The following FKBP9 variants were observed in gnomAD, a reference collection of about 807,000 sequenced individuals.
FKBP9 encodes peptidyl-prolyl cis-trans isomerase FKBP9.
A neutral mutation model predicts 55.6 loss-of-function variants in FKBP9; 27 were observed. That is an observed-to-expected ratio of 0.49 (90% CI 0.36 to 0.67). FKBP9 has a LOEUF of 0.67. Among genes scored for constraint, FKBP9 ranks in the 30% least tolerant of loss-of-function variants. The probability of loss-of-function intolerance (pLI) is 0.00; values close to 1 mark genes in which losing one functional copy is unlikely to be tolerated. For missense variants in FKBP9, 539 were observed against 742.8 expected, an observed-to-expected ratio of 0.73 and a Z score of 3.19; for synonymous variants, 267 against 296.5, an observed-to-expected ratio of 0.90 and a Z score of 1.02.
chr7:32,958,749 G>T (rs1339090437), intron 1 of FKBP9, among the ~76,000 whole-genome samples: 34 of 152,198 alleles, frequency 2.2e-4, no homozygotes, highest in Admixed American at 2.2e-3. Flanking sequence ...ATCAAGCCCA[G>T]AACTCCTTCT....
chr7:32,974,794 C>G, intron 2 of FKBP9, 32 bp downstream of exon 2: 1 of 1,580,228 alleles, frequency 6.3e-7, no homozygotes, highest in African/African-American at 1.3e-5. Context: ...ATAAACACGT[C>G]AGCAGAAACA....
chr7:32,980,239 G>A, intron 4 of FKBP9, 125 bp from the exon 5 acceptor site: 2 of 801,590 alleles, frequency 2.5e-6, no homozygotes, highest in Non-Finnish European at 1.9e-6. Flanking sequence ...AGACCTGGAA[G>A]AACATTTGTT....
intron 8 of FKBP9, 59 bp downstream of exon 8, chr7:33,000,319 C>G (rs964956642): frequency 1.0e-5 from 15 of 1,447,126 alleles, no homozygotes; most frequent in Non-Finnish European, 1.3e-5. Context: ...GAATTTTGTG[C>G]TTTTTGGGGT....
chr7:32,985,428 C>T (rs986377487), intron 5 of FKBP9, among the ~76,000 whole-genome samples: 1 of 151,556 alleles, frequency 6.6e-6, no homozygotes, highest in African/African-American at 2.4e-5. Context: ...TGATCACCCA[C>T]CTCGGCCTCC....
chr7:32,981,890 C>T (rs1383744061), intron 5 of FKBP9, among the ~76,000 whole-genome samples: 1 of 140,558 alleles, frequency 7.1e-6, no homozygotes, highest in Non-Finnish European at 1.5e-5. Context: ...GAGCGAGACT[C>T]TGTCTCAAAA....
intron 2 of FKBP9, 152 bp from the exon 3 acceptor site, chr7:32,975,030 A>T: frequency 1.5e-6 from 1 of 679,272 alleles, no homozygotes; most frequent in South Asian, 1.9e-5. Context: ...TTTGGAGGAA[A>T]GAGGGAGGAA....
intron 8 of FKBP9, among the ~76,000 whole-genome samples, chr7:33,002,247 C>A (rs1784948375): frequency 6.6e-6 from 1 of 152,056 alleles, no homozygotes; most frequent in Non-Finnish European, 1.5e-5. Flanking sequence ...AATTCTCATG[C>A]CTCAGCTTCC....
chr7:32,974,571 A>C (rs1393575334), intron 1 of FKBP9, 46 bp from the exon 2 acceptor site: 1 of 1,552,660 alleles, frequency 6.4e-7, no homozygotes, highest in East Asian at 2.3e-5. Context: ...TGAGGAAGGG[A>C]CTATTTATAC....
rs1784628775 is a variant in FKBP9 at position 32,988,884 on chromosome 7, A to G, written c.1039+232A>G. ...GCTGGCACTACAGGCACGCACCACCACACCCTGCACAGAACTTCTTGAGAG... is the reference window on the plus strand; with the variant it reads ...GCTGGCACTACAGGCACGCACCACCGCACCCTGCACAGAACTTCTTGAGAG... On this transcript the variant is annotated intron_variant, in intron 6 of 9. Coordinates refer to ENST00000242209, the MANE Select transcript of FKBP9 (RefSeq NM_007270.5). The G allele has an allele frequency of 1.5e-4, 58 of 392,474 alleles. No homozygotes were observed. In the South Asian group the frequency reaches 2.9e-3, roughly 20 times the overall value. The allele number at this position is 392,474 out of a possible 1,614,324, so 24.3% of individuals were successfully genotyped here. A position where few individuals can be genotyped will look rare whatever the true frequency, so the allele number is the denominator to read the frequency against.
At chr7:32,992,291 C>G (rs1784699891) in intron 6 of FKBP9, among the ~76,000 whole-genome samples, 1 of 146,720 alleles carries the variant, frequency 6.8e-6, no homozygotes, top group Admixed American at 6.8e-5. Context: ...AGAGGAAACC[C>G]ACCCCCCTCA....
At chr7:32,985,414 C>T (rs1471643423) in intron 5 of FKBP9, among the ~76,000 whole-genome samples, 2 of 151,670 alleles carry the variant, frequency 1.3e-5, no homozygotes, top group Non-Finnish European at 2.9e-5. Flanking sequence ...CTCCTGACCT[C>T]AAGTGATCAC....
At chr7:32,972,533 A>G (rs1390452593) in intron 1 of FKBP9, among the ~76,000 whole-genome samples, 1 of 152,222 alleles carries the variant, frequency 6.6e-6, no homozygotes. Flanking sequence ...TTAACATTTT[A>G]TTACATAATT....
At chr7:32,992,584 C>T (rs1190843913) in intron 6 of FKBP9, 1 of 179,822 alleles carries the variant, frequency 5.6e-6, no homozygotes, top group Admixed American at 6.3e-5. Context: ...GTTTGCTGGT[C>T]AGCACTCATT....
chr7:32,995,989 G>A (rs982761042), intron 6 of FKBP9, among the ~76,000 whole-genome samples, 174 bp from the exon 7 acceptor site: 1 of 152,188 alleles, frequency 6.6e-6, no homozygotes, highest in Non-Finnish European at 1.5e-5. Context: ...ATGAGGATGA[G>A]GTTACATCTA....
intron 1 of FKBP9, among the ~76,000 whole-genome samples, chr7:32,972,816 AG>A (rs1301285810): frequency 6.6e-6 from 1 of 152,102 alleles, no homozygotes; most frequent in Non-Finnish European, 1.5e-5. Context: ...TTCACCTCCC[AG>A]GTTCAAGCAA....
intron 1 of FKBP9, among the ~76,000 whole-genome samples, chr7:32,973,653 A>G (rs1466041793): frequency 6.7e-6 from 1 of 148,262 alleles, no homozygotes; most frequent in Admixed American, 6.8e-5. Flanking sequence ...GGTACCAATC[A>G]TATAGAAAAT....
At chr7:32,978,394 G>A (rs927242748) in intron 4 of FKBP9, among the ~76,000 whole-genome samples, 1 of 151,202 alleles carries the variant, frequency 6.6e-6, no homozygotes, top group African/African-American at 2.4e-5. Flanking sequence ...TTAGAGACAG[G>A]GTCTCACTCT....
Position 32,975,319 on chromosome 7 carries a change from G to C in FKBP9, c.505G>C (p.Val169Leu), listed in dbSNP as rs1293769274. ...TCGGACCATCCAGGTGTCTGATTTT[G>C]TGAGGTACCACTACAACGGGACGTT... ...CPRTIQVSDF[V>L]RYHYNGTFLD... Residue 169 changes from valine to leucine, a missense_variant, in exon 3 of 10, where the codon GTG becomes CTG. Val to Leu is a conservative substitution (Grantham distance 32). This residue lies in a region of FKBP9 where 236 missense variants were observed against 271.5 expected (regional missense o/e 0.87). Transcript: ENST00000242209. The C allele has an allele frequency of 1.9e-6, 3 of 1,614,018 alleles. No homozygotes were observed. The highest frequency in any genetic ancestry group is 2.5e-6 in the Non-Finnish European group (3 of 1,179,860).
chr7:32,994,588 C>T (rs1187618085), intron 6 of FKBP9, among the ~76,000 whole-genome samples: 11 of 151,594 alleles, frequency 7.3e-5, no homozygotes, highest in African/African-American at 2.4e-4. Flanking sequence ...CCCACTCCAC[C>T]CACACCAGCA....
Sources: gnomAD v4.1 joint callset for allele counts (sites outside exome capture counted in the v4.1 genomes callset) on GRCh38, gnomAD v4.1.1 for gene constraint, gnomAD v4.1.1 regional missense constraint, MANE v1.5 for transcripts, NCBI Gene and HGNC (gene_info 2026-07-23, HGNC 2026-07-21) for gene names.